Variants in AGBL4 observed in about 807,000 individuals in gnomAD.
The protein encoded by AGBL4 is cytosolic carboxypeptidase 6.
AGBL4 carries 58 observed loss-of-function variants against 66.4 expected under a neutral mutation model. The observed-to-expected ratio is 0.87, with a 90% CI of 0.71 to 1.09. The LOEUF (loss-of-function observed/expected upper bound fraction) is 1.09, where lower values mean the gene tolerates loss of function less well. Among genes scored for constraint, AGBL4 ranks in the 50% least tolerant of loss-of-function variants. The probability of loss-of-function intolerance (pLI) is 0.00; values close to 1 mark genes in which losing one functional copy is unlikely to be tolerated. For missense variants in AGBL4, 579 were observed against 631.0 expected, an observed-to-expected ratio of 0.92 and a Z score of 0.88; for synonymous variants, 234 against 222.9, an observed-to-expected ratio of 1.05 and a Z score of -0.44.
intron 3 of AGBL4, among the ~76,000 whole-genome samples, chr1:49,496,089 A>G (rs1042048492): frequency 2.0e-5 from 3 of 152,070 alleles, no homozygotes; most frequent in Non-Finnish European, 4.4e-5. Context: ...GACTCAGAAG[A>G]TTGAATGGGC....
At chr1:49,775,181 C>T (rs1310118369) in intron 2 of AGBL4, among the ~76,000 whole-genome samples, 2 of 152,244 alleles carry the variant, frequency 1.3e-5, no homozygotes, top group East Asian at 3.9e-4. Flanking sequence ...TGGAATTATA[C>T]AGTCCCAAGT....
At position 48,944,245 on chromosome 1, in the gene AGBL4, G is replaced by A. The variant is rs1299414806; in HGVS notation, c.595-77015C>T. 2.0e-5 allele frequency among the ~76,000 whole-genome samples: 3 copies of A among 149,988 alleles called. No individual in the cohort carries two copies. The Admixed American group carries it at 2.0e-4, about 10-fold the overall frequency. ...GTGGCTCAGTCTTCCCAGGGGTTAG[G>A]TGGGGCCAAGGAAGTCTTCACAGAG... On this transcript the variant is annotated intron_variant, in intron 5 of 13. Transcript: ENST00000371839.
At chr1:49,949,573 G>C (rs1655882943) in intron 1 of AGBL4, among the ~76,000 whole-genome samples, 1 of 151,786 alleles carries the variant, frequency 6.6e-6, no homozygotes, top group South Asian at 2.1e-4. Context: ...ATCAAAAGAA[G>C]ATATACAACT....
intron 2 of AGBL4, among the ~76,000 whole-genome samples, chr1:49,841,268 A>C (rs572907578): frequency 8.5e-5 from 13 of 152,334 alleles, no homozygotes; most frequent in African/African-American, 2.9e-4. Flanking sequence ...CCACAAAAAA[A>C]TGAAATACAC....
intron 2 of AGBL4, among the ~76,000 whole-genome samples, chr1:49,735,557 T>G (rs866664861): frequency 6.6e-6 from 1 of 152,114 alleles, no homozygotes; most frequent in African/African-American, 2.4e-5. Context: ...AAATGCATGT[T>G]GTTTTAAAGC....
intron 3 of AGBL4, among the ~76,000 whole-genome samples, chr1:49,453,069 GAAGTGCTTAAT>G (rs1032059145): frequency 1.3e-5 from 2 of 151,884 alleles, no homozygotes; most frequent in African/African-American, 4.8e-5. Flanking sequence ...CAGGCAAGGG[GAAGTGCTTAAT>G]AAATGTTTAT....
intron 1 of AGBL4, among the ~76,000 whole-genome samples, chr1:49,872,222 A>G (rs145650254): frequency 2.3e-3 from 344 of 152,200 alleles, no homozygotes; most frequent in African/African-American, 7.9e-3. Flanking sequence ...AATTTAAAAG[A>G]TGATTCCTTT....
intron 6 of AGBL4, among the ~76,000 whole-genome samples, chr1:48,686,291 C>G (rs574708045): frequency 1.0e-3 from 154 of 152,318 alleles, no homozygotes; most frequent in African/African-American, 3.2e-3. Flanking sequence ...ACTTCCTCTG[C>G]TGAAGCAAGT....
Position 48,736,936 on chromosome 1 carries a change from T to A in AGBL4, c.635-73695A>T, listed in dbSNP as rs1403009361. 6.6e-6 allele frequency among the ~76,000 whole-genome samples: 1 copy of A among 152,138 alleles called. No homozygotes were observed. The highest frequency in any genetic ancestry group is 1.5e-5 in the Non-Finnish European group (1 of 68,028). Reference sequence around the variant, plus strand: ...CATTCTGGGACATATACCTTCCTAGTATGGTGGTTCTCAACCTTGGCTGCA... The same window carrying A: ...CATTCTGGGACATATACCTTCCTAGAATGGTGGTTCTCAACCTTGGCTGCA... On this transcript the variant is annotated intron_variant, in intron 6 of 13. Transcript: ENST00000371839. This position sits in a 1 kb window ranked among gnomAD's most constrained non-coding sequence, Gnocchi z 4.0.
intron 3 of AGBL4, among the ~76,000 whole-genome samples, chr1:49,499,317 C>G (rs1647905041): frequency 6.6e-6 from 1 of 151,810 alleles, no homozygotes; most frequent in Non-Finnish European, 1.5e-5. Flanking sequence ...TCCATTTCTC[C>G]TAAGTTATCC....
rs1169282448 is a variant in AGBL4 at position 48,634,359 on chromosome 1, G to C, written c.951+134C>G. 6.4e-6 allele frequency: 4 copies of C among 625,344 alleles called. No homozygotes were observed. The East Asian group carries it at 1.2e-4, about 19-fold the overall frequency. The allele number at this position is 625,344 out of a possible 1,614,324, so 38.7% of individuals were successfully genotyped here. A position where few individuals can be genotyped will look rare whatever the true frequency, so the allele number is the denominator to read the frequency against. On this transcript the variant is annotated intron_variant, in intron 9 of 13. Transcript: ENST00000371839. ...TTGGGTCTGCTGGATTCAGAGAAGAGCAGGCCTAGTGCCTCCCTGGTTTTA... is the reference window on the plus strand; with the variant it reads ...TTGGGTCTGCTGGATTCAGAGAAGACCAGGCCTAGTGCCTCCCTGGTTTTA...
chr1:49,240,505 CCT>C (rs1281171333), intron 4 of AGBL4, among the ~76,000 whole-genome samples: 3 of 151,766 alleles, frequency 2.0e-5, no homozygotes, highest in Non-Finnish European at 4.4e-5. Context: ...GTCCCTCCAC[CCT>C]GTTAAAAAAG....
rs1654163376 is a variant in AGBL4 at position 48,922,474 on chromosome 1, C to A, written c.595-55244G>T. Reference sequence around the variant, plus strand: ...CTGTCTGGTCTGGCTGGAGAACACCCCTCTACTTCTCCCTGAGAAAGGAGT... The same window carrying A: ...CTGTCTGGTCTGGCTGGAGAACACCACTCTACTTCTCCCTGAGAAAGGAGT... On this transcript the variant is annotated intron_variant, in intron 5 of 13. Coordinates refer to ENST00000371839, the MANE Select transcript of AGBL4 (RefSeq NM_032785.4). Among the ~76,000 whole-genome samples, 4 of 152,256 alleles carry A rather than the reference C, an allele frequency of 2.6e-5. No individual in the cohort carries two copies. In the South Asian group the frequency reaches 8.3e-4, roughly 32 times the overall value.
chr1:49,167,382 G>A (rs1055736948), intron 4 of AGBL4, among the ~76,000 whole-genome samples: 2 of 152,108 alleles, frequency 1.3e-5, no homozygotes, highest in African/African-American at 4.8e-5. Context: ...TCTGACAGAA[G>A]AGATACCCTC....
At chr1:49,866,587 A>C (rs542125114) in intron 1 of AGBL4, among the ~76,000 whole-genome samples, 54 of 152,122 alleles carry the variant, frequency 3.5e-4, no homozygotes, top group African/African-American at 1.2e-3. Context: ...AACATGGCAA[A>C]ATTCCGTCTC....
intron 6 of AGBL4, among the ~76,000 whole-genome samples, chr1:48,778,064 G>T (rs1377161706): frequency 6.6e-6 from 1 of 152,086 alleles, no homozygotes; most frequent in Non-Finnish European, 1.5e-5. Flanking sequence ...TTATATTTCT[G>T]TTGCCTAGCC....
At chr1:49,450,380 C>A (rs1214518702) in intron 3 of AGBL4, among the ~76,000 whole-genome samples, 1 of 151,912 alleles carries the variant, frequency 6.6e-6, no homozygotes, top group Admixed American at 6.6e-5. Context: ...CTTAGGAATA[C>A]CAATATTTAA....
chr1:50,002,154 C>A (rs1660801282), intron 1 of AGBL4, among the ~76,000 whole-genome samples: 1 of 152,014 alleles, frequency 6.6e-6, no homozygotes, highest in Admixed American at 6.6e-5. Flanking sequence ...CTAGGCATGG[C>A]TCCATTAAAC....
rs189113440 is a variant in AGBL4, at chr1:48,690,655, T to C, written c.635-27414A>G. ...TTTCTACTTACGTCCTATTTTTCCA[T>C]ACAAAATAGGACGTAAGTAGAAAAG... On this transcript the variant is annotated intron_variant, in intron 6 of 13. Transcript: ENST00000371839. 1.8e-3 allele frequency among the ~76,000 whole-genome samples: 271 copies of C among 151,894 alleles called. 6 individuals carry two copies. The highest frequency in any genetic ancestry group is 3.5e-4 in the Non-Finnish European group (24 of 67,838).
Sources: gnomAD v4.1 joint callset for allele counts (sites outside exome capture counted in the v4.1 genomes callset) on GRCh38, gnomAD v4.1.1 for gene constraint, Gnocchi (gnomAD v3.1) non-coding constraint, MANE v1.5 for transcripts, NCBI Gene and HGNC (gene_info 2026-07-23, HGNC 2026-07-21) for gene names.